Variants in GALM observed in about 807,000 individuals in gnomAD.
The protein encoded by GALM is galactose mutarotase.
A neutral mutation model predicts 37.4 loss-of-function variants in GALM; 43 were observed. The observed-to-expected ratio is 1.15, with a 90% CI of 0.90 to 1.48. GALM has a LOEUF of 1.48. GALM is among the 40% of genes most tolerant of loss of function. The probability of loss-of-function intolerance (pLI) is 0.00; values close to 1 mark genes in which losing one functional copy is unlikely to be tolerated. For synonymous variants in GALM, 199 were observed against 170.6 expected, an observed-to-expected ratio of 1.17 and a Z score of -1.30; for missense variants, 456 against 419.1, an observed-to-expected ratio of 1.09 and a Z score of -0.77.
intron 3 of GALM, among the ~76,000 whole-genome samples, chr2:38,686,061 C>T (rs974423285): frequency 6.6e-6 from 1 of 151,672 alleles, no homozygotes; most frequent in Non-Finnish European, 1.5e-5. Flanking sequence ...TGCTTGGTGA[C>T]CCAGTGACCC....
chr2:38,730,881 A>G (rs1190825015), intron 5 of GALM, among the ~76,000 whole-genome samples: 2 of 150,438 alleles, frequency 1.3e-5, no homozygotes, highest in Admixed American at 1.3e-4. Flanking sequence ...AGATCACGCC[A>G]CTGCACTCCA....
At chr2:38,710,408 G>A (rs778130165) in intron 4 of GALM, among the ~76,000 whole-genome samples, 2 of 152,172 alleles carry the variant, frequency 1.3e-5, no homozygotes, top group African/African-American at 2.4e-5. Flanking sequence ...TGTCAAAAAG[G>A]CCTTCCTGTA....
At position 38,666,250 on chromosome 2, in the gene GALM, G is replaced by C. The variant is rs1391831668; in HGVS notation, c.89G>C (p.Arg30Thr). 1 of 1,614,132 alleles carries C rather than the reference G, an allele frequency of 6.2e-7. No homozygotes were observed. The highest frequency in any genetic ancestry group is 1.1e-5 in the South Asian group (1 of 91,084). ...EKFQLQSDLLRVDIISWGCTI... is the reference protein window; with the variant it reads ...EKFQLQSDLLTVDIISWGCTI... Reference sequence around the variant, plus strand: ...TTCCAGCTGCAGTCAGACCTCTTGAGAGTGGACATCATCTCCTGGGGCTGC... The same window carrying C: ...TTCCAGCTGCAGTCAGACCTCTTGACAGTGGACATCATCTCCTGGGGCTGC... Residue 30 changes from arginine (R) to threonine (T), a missense_variant, in exon 1 of 7, where the codon AGA (arginine) becomes ACA (threonine). Arg to Thr is a moderately conservative substitution (Grantham distance 71, BLOSUM62 -1). Coordinates refer to ENST00000272252, the MANE Select transcript of GALM (RefSeq NM_138801.3).
intron 1 of GALM, among the ~76,000 whole-genome samples, chr2:38,669,990 G>A (rs967172450): frequency 1.3e-5 from 2 of 150,678 alleles, no homozygotes; most frequent in Admixed American, 6.6e-5. Context: ...AACCTCCCAA[G>A]TAGCTGGAAT....
chr2:38,729,026 C>T (rs1423710348), intron 4 of GALM, among the ~76,000 whole-genome samples: 1 of 152,140 alleles, frequency 6.6e-6, no homozygotes, highest in African/African-American at 2.4e-5. Flanking sequence ...TTTCCATTGT[C>T]CCTTGGAATC....
At chr2:38,689,010 G>A (rs1013087674) in intron 3 of GALM, among the ~76,000 whole-genome samples, 2 of 152,166 alleles carry the variant, frequency 1.3e-5, no homozygotes, top group African/African-American at 4.8e-5. Flanking sequence ...AGTAGAGACG[G>A]GGCTTCTTCT....
Position 38,666,384 on chromosome 2 carries a change from G to A in GALM, c.190+33G>A, listed in dbSNP as rs767715082. On this transcript the variant is annotated intron_variant, in intron 1 of 6. Coordinates refer to ENST00000272252, the MANE Select transcript of GALM (RefSeq NM_138801.3). ...GAACTGTGCCCTGGGCTGCGAGCAG[G>A]CCCCAGGCCCACGCTACATACCTCC... is the stretch of plus-strand genomic sequence containing the variant. 13 of 1,521,556 alleles carry A rather than the reference G, an allele frequency of 8.5e-6. No homozygotes were observed. In the Admixed American group the frequency reaches 1.3e-4, roughly 15 times the overall value. The allele number at this position is 1,521,556 out of a possible 1,614,324, so 94.3% of individuals were successfully genotyped here.
chr2:38,713,860 G>T (rs370584369), intron 4 of GALM, among the ~76,000 whole-genome samples: 4 of 150,844 alleles, frequency 2.7e-5, no homozygotes, highest in African/African-American at 4.9e-5. Context: ...AGCTGTGATC[G>T]TGCCACAGCA....
intron 3 of GALM, among the ~76,000 whole-genome samples, chr2:38,687,280 C>G (rs1368552441): frequency 6.6e-6 from 1 of 152,202 alleles, no homozygotes; most frequent in Non-Finnish European, 1.5e-5. Context: ...GACCCTCTCC[C>G]ATCTTGGACC....
chr2:38,716,322 C>G (rs752837729), intron 4 of GALM, among the ~76,000 whole-genome samples: 1 of 152,180 alleles, frequency 6.6e-6, no homozygotes, highest in Non-Finnish European at 1.5e-5. Context: ...GAAGGAGGCC[C>G]TGGTGTACTA....
chr2:38,714,152 T>C (rs1256223082), intron 4 of GALM, among the ~76,000 whole-genome samples: 2 of 152,178 alleles, frequency 1.3e-5, no homozygotes, highest in African/African-American at 4.8e-5. Flanking sequence ...GTACCAGACA[T>C]GTCTAAACAC....
intron 4 of GALM, among the ~76,000 whole-genome samples, chr2:38,703,071 TATATATATATATATATATATA>T (rs1446326402): frequency 0.054 from 356 of 6,576 alleles, 17 homozygotes; most frequent in African/African-American, 0.1. Context: ...TATATATATA[TATATATATATATATATATATA>T]TTTTTTTTTT....
In GALM at chr2:38,689,894, G is replaced by T. The variant is rs199777161; in HGVS notation, c.634G>T (p.Gly212Ter). ...TGTGGATGAAACCCTGATTCCTACA[G>T]GTTGGTGAATTTAACCTTTTTGTGT... ...LPVDETLIPT[G>*]EVAPVQGTAF... The change falls in exon 4 of 7, where the codon GGA becomes TGA. Residue 212 changes from glycine (G) to a stop codon, truncating the protein, a stop_gained and splice_region_variant. Coordinates refer to ENST00000272252, the MANE Select transcript of GALM (RefSeq NM_138801.3). LOFTEE classifies it high-confidence loss of function. 211 of 1,594,510 alleles carry T rather than the reference G, an allele frequency of 1.3e-4. 1 individual carries two copies. Among genetic ancestry groups the T allele is most frequent in the Non-Finnish European group, 6.9e-6 (8 of 1,164,074 alleles).
intron 3 of GALM, among the ~76,000 whole-genome samples, chr2:38,683,804 T>A (rs182844598): frequency 1.3e-5 from 2 of 152,300 alleles, no homozygotes; most frequent in Non-Finnish European, 2.9e-5. Flanking sequence ...TGACCTCGGG[T>A]GATCCACCCG....
At chr2:38,712,358 A>T (rs1429253393) in intron 4 of GALM, among the ~76,000 whole-genome samples, 1 of 152,142 alleles carries the variant, frequency 6.6e-6, no homozygotes, top group Non-Finnish European at 1.5e-5. Context: ...CTTGTAACCC[A>T]CTCAGAGAAG....
At chr2:38,716,710 G>A (rs1397804023) in intron 4 of GALM, among the ~76,000 whole-genome samples, 1 of 152,202 alleles carries the variant, frequency 6.6e-6, no homozygotes, top group Non-Finnish European at 1.5e-5. Flanking sequence ...CAGGCACAGT[G>A]GTGTGTGCTT....
At chr2:38,670,072 A>G (rs540041200) in intron 1 of GALM, among the ~76,000 whole-genome samples, 1 of 151,794 alleles carries the variant, frequency 6.6e-6, no homozygotes, top group South Asian at 2.1e-4. Flanking sequence ...CATATTGGTC[A>G]GGGCTGGTCT....
At chr2:38,700,083 C>A (rs1237826625) in intron 4 of GALM, among the ~76,000 whole-genome samples, 1 of 151,994 alleles carries the variant, frequency 6.6e-6, no homozygotes, top group Non-Finnish European at 1.5e-5. Flanking sequence ...TGCCAAGTAG[C>A]TGGGATTACA....
chr2:38,681,252 A>G, intron 2 of GALM, 28 bp from the exon 3 acceptor site: 1 of 1,586,228 alleles, frequency 6.3e-7, no homozygotes, highest in African/African-American at 1.3e-5. Flanking sequence ...TGGAGCAACT[A>G]CACAACTTTG....
Sources: allele counts gnomAD v4.1 joint callset (sites outside exome capture counted in the v4.1 genomes callset), GRCh38; gene constraint gnomAD v4.1.1; transcripts MANE v1.5; gene names NCBI Gene and HGNC (gene_info 2026-07-23, HGNC 2026-07-21).